The following GLG1 variants were observed in gnomAD, a reference collection of about 807,000 sequenced individuals.
GLG1 encodes golgi glycoprotein 1, also known as Golgi apparatus protein 1.
Under a neutral mutation model 160.5 loss-of-function variants are expected in GLG1, and 38 were observed. The observed-to-expected ratio is 0.24, with a 90% CI of 0.18 to 0.31. GLG1 has a LOEUF of 0.31. GLG1 is among the 10% of genes least tolerant of loss of function. GLG1 has a pLI of 1.00. For synonymous variants in GLG1, 644 were observed against 543.4 expected (o/e 1.19, Z -2.57); for missense variants, 1,373 against 1,505.2 (o/e 0.91, Z 1.45).
intron 15 of GLG1, among the ~76,000 whole-genome samples, chr16:74,470,350 C>T (rs1408241854): frequency 6.2e-5 from 9 of 144,304 alleles, no homozygotes; most frequent in South Asian, 2.4e-4. Flanking sequence ...TCCCTCCTTC[C>T]TTCCTTCCCT....
At chr16:74,516,260 C>T (rs1340980821) in intron 2 of GLG1, among the ~76,000 whole-genome samples, 1 of 151,746 alleles carries the variant, frequency 6.6e-6, no homozygotes, top group Non-Finnish European at 1.5e-5. Context: ...ACATTCTTTT[C>T]AGCACCACAC....
chr16:74,596,779 C>A (rs867841598), intron 1 of GLG1, among the ~76,000 whole-genome samples: 8 of 152,108 alleles, frequency 5.3e-5, no homozygotes, highest in South Asian at 4.1e-4. Context: ...TACTTACAAG[C>A]CCTGAGGCAA....
intron 7 of GLG1, among the ~76,000 whole-genome samples, chr16:74,492,255 C>T (rs1027166364): frequency 3.3e-5 from 5 of 150,690 alleles, no homozygotes; most frequent in African/African-American, 9.7e-5. Flanking sequence ...CATAGTGGTG[C>T]GTGCCTGTAA....
intron 1 of GLG1, among the ~76,000 whole-genome samples, chr16:74,595,685 C>CTA (rs1958282643): frequency 6.6e-6 from 1 of 152,064 alleles, no homozygotes; most frequent in Non-Finnish European, 1.5e-5. Context: ...TCTTTTTCTT[C>CTA]TAGATCAGTG....
intron 1 of GLG1, among the ~76,000 whole-genome samples, chr16:74,579,697 G>A (rs1254423555): frequency 2.0e-5 from 3 of 151,780 alleles, no homozygotes; most frequent in Non-Finnish European, 2.9e-5. Flanking sequence ...ACTCCAGCAT[G>A]GGTGACAGCA....
At chr16:74,464,918 C>G (rs530577095) in intron 19 of GLG1, among the ~76,000 whole-genome samples, 1 of 152,164 alleles carries the variant, frequency 6.6e-6, no homozygotes, top group Non-Finnish European at 1.5e-5. Context: ...CCTTGGCTCA[C>G]TGCAGCCTGC....
intron 1 of GLG1, 57 bp downstream of exon 1, chr16:74,606,600 C>G (rs1958572078): frequency 1.4e-6 from 2 of 1,442,456 alleles, no homozygotes; most frequent in Admixed American, 2.3e-5. Flanking sequence ...CCAAGGCCGG[C>G]AACACCCTCG....
intron 1 of GLG1, among the ~76,000 whole-genome samples, chr16:74,535,547 C>G (rs2017665342): frequency 6.6e-6 from 1 of 152,212 alleles, no homozygotes; most frequent in Non-Finnish European, 1.5e-5. Context: ...ATCCTCCTGC[C>G]TCAGCCTCCC....
At chr16:74,457,631 G>A (rs1447638804) in intron 24 of GLG1, among the ~76,000 whole-genome samples, 3 of 152,056 alleles carry the variant, frequency 2.0e-5, no homozygotes, top group South Asian at 4.2e-4. Flanking sequence ...AATTCTCCCT[G>A]TTCATCAAAT....
chr16:74,532,765 G>A (rs1265476128), intron 1 of GLG1, among the ~76,000 whole-genome samples: 3 of 152,042 alleles, frequency 2.0e-5, no homozygotes, highest in African/African-American at 4.8e-5. Flanking sequence ...TGGCTCAAGT[G>A]ATCCACCCAC....
intron 1 of GLG1, among the ~76,000 whole-genome samples, chr16:74,604,511 T>C (rs1447002150): frequency 6.6e-6 from 1 of 152,240 alleles, no homozygotes; most frequent in Admixed American, 6.5e-5. Flanking sequence ...ATAATTCCAA[T>C]AATGGGTACG....
Position 74,544,767 on chromosome 16 carries a change from A to G in GLG1, c.439-12614T>C, listed in dbSNP as rs545056103. ...CTCCCACCTCGGCCTCCCAAAGTGC[A>G]GGGATTACAGGTGTGAGCCACCGCG... On this transcript the variant is annotated intron_variant, in intron 1 of 25. Coordinates refer to ENST00000422840, the MANE Select transcript of GLG1 (RefSeq NM_001145667.2). Among the ~76,000 whole-genome samples, 358 of 152,104 alleles carry G rather than the reference A, an allele frequency of 2.4e-3. 1 individual carries two copies. The highest frequency in any genetic ancestry group is 7.9e-3 in the African/African-American group (327 of 41,502).
At chr16:74,514,740 C>T (rs115390641) in intron 2 of GLG1, among the ~76,000 whole-genome samples, 5 of 152,002 alleles carry the variant, frequency 3.3e-5, no homozygotes, top group South Asian at 4.2e-4. Context: ...AATTAACGGT[C>T]GAAATAACCA....
chr16:74,520,640 C>T (rs956563555), intron 2 of GLG1, among the ~76,000 whole-genome samples: 1 of 151,980 alleles, frequency 6.6e-6, no homozygotes, highest in Non-Finnish European at 1.5e-5. Flanking sequence ...CCATCTCAAA[C>T]GACAACAACA....
chr16:74,458,471 G>A (rs769871991), intron 23 of GLG1, among the ~76,000 whole-genome samples: 5 of 151,976 alleles, frequency 3.3e-5, no homozygotes, highest in Non-Finnish European at 2.9e-5. Flanking sequence ...AGGAGTCTGA[G>A]ACCCGTGTGG....
intron 3 of GLG1, among the ~76,000 whole-genome samples, chr16:74,507,474 T>C (rs926661636): frequency 6.6e-6 from 1 of 152,170 alleles, no homozygotes; most frequent in African/African-American, 2.4e-5. Flanking sequence ...CGGTGACTCA[T>C]GCCTGTAATC....
At chr16:74,463,142 G>A (rs2014866900) in intron 20 of GLG1, 5 of 552,664 alleles carry the variant, frequency 9.0e-6, no homozygotes, top group African/African-American at 7.6e-5. Flanking sequence ...TTCTTTTAGG[G>A]CAGTTTTCTG....
intron 22 of GLG1, chr16:74,461,596 G>A (rs191555900): frequency 0.013 from 2,022 of 150,698 alleles, 46 homozygotes; most frequent in African/African-American, 0.048. Context: ...TCAGCCTCCT[G>A]AGTAGCTGAG....
chr16:74,579,147 C>T (rs1327179081), intron 1 of GLG1, among the ~76,000 whole-genome samples: 1 of 152,164 alleles, frequency 6.6e-6, no homozygotes, highest in Non-Finnish European at 1.5e-5. Flanking sequence ...CGCCACTGCA[C>T]TCCAGCCTGG....
Sources: allele counts gnomAD v4.1 joint callset (sites outside exome capture counted in the v4.1 genomes callset), GRCh38; gene constraint gnomAD v4.1.1; transcripts MANE v1.5; gene names NCBI Gene and HGNC (gene_info 2026-07-23, HGNC 2026-07-21).